Variants in CNTNAP5 observed in about 807,000 individuals in gnomAD.
CNTNAP5 encodes the protein contactin-associated protein-like 5.
Under a neutral mutation model 150.2 loss-of-function variants are expected in CNTNAP5, and 72 were observed. The ratio of observed to expected loss-of-function variants is 0.48; its 90% CI spans 0.40 to 0.58. The LOEUF is 0.58. CNTNAP5 is among the 20% of genes least tolerant of loss of function. CNTNAP5 has a pLI of 0.00. For missense variants in CNTNAP5, 1,636 were observed against 1,626.2 expected (o/e 1.01, Z -0.10); for synonymous variants, 672 against 619.8 (o/e 1.08, Z -1.25).
intron 17 of CNTNAP5, among the ~76,000 whole-genome samples, chr2:124,774,193 T>C (rs1249543649): frequency 1.3e-5 from 2 of 152,082 alleles, no homozygotes; most frequent in Non-Finnish European, 2.9e-5. Context: ...GATTTAACTT[T>C]GTTTCCTTTT....
chr2:124,842,739 C>T (rs1227114874), intron 19 of CNTNAP5, among the ~76,000 whole-genome samples: 1 of 152,048 alleles, frequency 6.6e-6, no homozygotes, highest in Non-Finnish European at 1.5e-5. Context: ...GATTTGGTAC[C>T]TGTTTACTAC....
At chr2:124,034,027 A>C (rs1299627113) in intron 1 of CNTNAP5, among the ~76,000 whole-genome samples, 1 of 152,178 alleles carries the variant, frequency 6.6e-6, no homozygotes, top group Non-Finnish European at 1.5e-5. Flanking sequence ...GTGCAAAACA[A>C]GTGTTGCTGC....
chr2:124,335,278 G>A (rs1689443794), intron 3 of CNTNAP5, among the ~76,000 whole-genome samples: 1 of 152,100 alleles, frequency 6.6e-6, no homozygotes, highest in South Asian at 2.1e-4. Flanking sequence ...TTCTTATTAA[G>A]AGAAACTCCC....
chr2:124,238,068 A>T (rs1686797497), intron 2 of CNTNAP5, among the ~76,000 whole-genome samples: 1 of 152,118 alleles, frequency 6.6e-6, no homozygotes, highest in Non-Finnish European at 1.5e-5. Flanking sequence ...GATTTCCATG[A>T]GAATCAACTG....
intron 1 of CNTNAP5, among the ~76,000 whole-genome samples, chr2:124,179,577 T>C (rs1319919453): frequency 6.6e-6 from 1 of 152,198 alleles, no homozygotes; most frequent in African/African-American, 2.4e-5. Context: ...AGTTAGAGCT[T>C]TTTCTTAGAG....
At chr2:124,898,957 A>C (rs1678362252) in intron 21 of CNTNAP5, among the ~76,000 whole-genome samples, 1 of 151,508 alleles carries the variant, frequency 6.6e-6, no homozygotes, top group African/African-American at 2.4e-5. Flanking sequence ...GAAAAAATTC[A>C]AGGGACCTAT....
At chr2:124,661,929 G>A (rs1027257750) in intron 13 of CNTNAP5, among the ~76,000 whole-genome samples, 3 of 151,884 alleles carry the variant, frequency 2.0e-5, no homozygotes, top group Non-Finnish European at 4.4e-5. Flanking sequence ...GTATACATGT[G>A]CCATGGTGGT....
chr2:124,122,495 T>C (rs1467879253), intron 1 of CNTNAP5, among the ~76,000 whole-genome samples: 4 of 152,184 alleles, frequency 2.6e-5, no homozygotes, highest in Non-Finnish European at 4.4e-5. Context: ...ATTTCTCCTT[T>C]ATCTCACATT....
intron 13 of CNTNAP5, among the ~76,000 whole-genome samples, chr2:124,741,327 G>A (rs1680493429): frequency 6.6e-6 from 1 of 152,074 alleles, no homozygotes; most frequent in African/African-American, 2.4e-5. Flanking sequence ...ACGGGAAGAG[G>A]CCAGATTCTC....
At chr2:124,752,835 G>C (rs1447505303) in intron 14 of CNTNAP5, among the ~76,000 whole-genome samples, 1 of 152,098 alleles carries the variant, frequency 6.6e-6, no homozygotes, top group Admixed American at 6.5e-5. Context: ...AGACAGCACA[G>C]GAGAGTGTTG....
chr2:124,294,879 G>A (rs1182315257), intron 3 of CNTNAP5, among the ~76,000 whole-genome samples: 1 of 152,120 alleles, frequency 6.6e-6, no homozygotes, highest in Non-Finnish European at 1.5e-5. Flanking sequence ...GCGCCGAGGC[G>A]GGCGGATCAC....
intron 13 of CNTNAP5, among the ~76,000 whole-genome samples, chr2:124,743,802 C>A (rs1396559688): frequency 2.0e-5 from 3 of 152,094 alleles, no homozygotes; most frequent in East Asian, 1.9e-4. Context: ...TCCTGTTAAA[C>A]CTTCCTATTG....
chr2:124,083,822 T>C (rs1682616919), intron 1 of CNTNAP5, among the ~76,000 whole-genome samples: 1 of 152,076 alleles, frequency 6.6e-6, no homozygotes, highest in Non-Finnish European at 1.5e-5. Flanking sequence ...CAAAAATTGT[T>C]TCAGCTATTC....
At chr2:124,853,044 G>A (rs953899931) in intron 19 of CNTNAP5, among the ~76,000 whole-genome samples, 3 of 152,212 alleles carry the variant, frequency 2.0e-5, no homozygotes, top group African/African-American at 7.2e-5. Flanking sequence ...GACATGAACT[G>A]ATGTGGAATA....
At chr2:124,357,599 C>G (rs1690052382) in intron 3 of CNTNAP5, among the ~76,000 whole-genome samples, 1 of 148,622 alleles carries the variant, frequency 6.7e-6, no homozygotes, top group Admixed American at 6.7e-5. Context: ...TCAGGTTTGT[C>G]AAAGATCAGA....
In CNTNAP5 at chr2:124,647,780, G is replaced by T; in HGVS notation, c.1899G>T (p.Val633=). The T allele has an allele frequency of 1.2e-6, 2 of 1,608,880 alleles. No homozygotes were observed. Among genetic ancestry groups the T allele is most frequent in the East Asian group, 2.2e-5 (1 of 44,744 alleles). ...NITEDKIWTS[V]QHNNTELTRV... ...CAGAGGACAAGATCTGGACATCAGT[G>T]CAGCACAACAATACAGAGCTGACCC... is the stretch of plus-strand genomic sequence containing the variant. Residue 633 remains valine (V), a synonymous_variant, in exon 13 of 24, where the codon GTG becomes GTT. Coordinates refer to ENST00000682447, the MANE Select transcript of CNTNAP5 (RefSeq NM_001367498.1).
intron 1 of CNTNAP5, among the ~76,000 whole-genome samples, chr2:124,161,046 G>A (rs74641396): frequency 0.018 from 2,700 of 152,216 alleles, 18 homozygotes; most frequent in Non-Finnish European, 0.029. Context: ...AAATATCAAC[G>A]AGAAAAGGAA....
chr2:124,747,246 T>C lies in CNTNAP5; in HGVS notation c.2095T>C (p.Trp699Arg), dbSNP rs1680622248. The change falls in exon 14 of 24, where the codon TGG becomes CGG. Residue 699 changes from tryptophan (W) to arginine (R), a missense_variant. Transcript: ENST00000682447. ...LNTPDGTPFTWWIGRSNERHP... is the reference protein window; with the variant it reads ...LNTPDGTPFTRWIGRSNERHP... Reference sequence around the variant, plus strand: ...TCTTCCAGATGGAACACCATTTACCTGGTGGATTGGGCGGTCCAATGAAAG... The same window carrying C: ...TCTTCCAGATGGAACACCATTTACCCGGTGGATTGGGCGGTCCAATGAAAG... 1.2e-6 allele frequency: 2 copies of C among 1,613,336 alleles called. No individual in the cohort carries two copies.
At chr2:124,063,324 A>G (rs1200251766) in intron 1 of CNTNAP5, among the ~76,000 whole-genome samples, 1 of 152,142 alleles carries the variant, frequency 6.6e-6, no homozygotes, top group East Asian at 1.9e-4. Flanking sequence ...GCTAATTTGT[A>G]CATAGTTCTA....
Sources: allele counts gnomAD v4.1 joint callset (sites outside exome capture counted in the v4.1 genomes callset), GRCh38; gene constraint gnomAD v4.1.1; transcripts MANE v1.5; gene names NCBI Gene and HGNC (gene_info 2026-07-23, HGNC 2026-07-21).